TAFA1: variants seen among roughly 807,000 people sequenced by gnomAD.
TAFA1 encodes TAFA chemokine like family member 1.
In TAFA1, 4 loss-of-function variants were observed where a neutral mutation model predicts 18.5. The ratio of observed to expected loss-of-function variants is 0.22; its 90% CI spans 0.11 to 0.49. The LOEUF is 0.49. Ranked by LOEUF, TAFA1 falls within the 20% of genes least tolerant of loss-of-function variation. The probability of loss-of-function intolerance (pLI) is 0.98; values close to 1 mark genes in which losing one functional copy is unlikely to be tolerated. For synonymous variants in TAFA1, 56 were observed against 55.2 expected, an observed-to-expected ratio of 1.01 and a Z score of -0.06; for missense variants, 147 against 169.0, an observed-to-expected ratio of 0.87 and a Z score of 0.72.
intron 2 of TAFA1, among the ~76,000 whole-genome samples, chr3:68,288,143 C>T (rs1575748930): frequency 6.6e-6 from 1 of 152,048 alleles, no homozygotes; most frequent in Non-Finnish European, 1.5e-5. Flanking sequence ...TGAGAGTTCA[C>T]GGCTGTTTCT....
At chr3:68,047,134 C>T (rs906773532) in intron 2 of TAFA1, among the ~76,000 whole-genome samples, 6 of 152,128 alleles carry the variant, frequency 3.9e-5, no homozygotes, top group African/African-American at 1.4e-4. Flanking sequence ...ACAGATGCTA[C>T]ACATATTATC....
chr3:68,265,899 G>T (rs1248008316), intron 2 of TAFA1, among the ~76,000 whole-genome samples: 2 of 152,082 alleles, frequency 1.3e-5, no homozygotes, highest in Non-Finnish European at 2.9e-5. Context: ...ATCCTAAAAG[G>T]TTTATGCCTG....
intron 2 of TAFA1, among the ~76,000 whole-genome samples, chr3:68,125,956 T>A (rs1349654084): frequency 2.6e-5 from 4 of 152,184 alleles, no homozygotes; most frequent in Non-Finnish European, 5.9e-5. Flanking sequence ...GTGTTCCACA[T>A]GCTTCTCAGT....
At chr3:68,196,644 T>A (rs183697561) in intron 2 of TAFA1, among the ~76,000 whole-genome samples, 1 of 151,780 alleles carries the variant, frequency 6.6e-6, no homozygotes, top group Non-Finnish European at 1.5e-5. Flanking sequence ...TTTTCTGTGT[T>A]ATATTTCATT....
At chr3:68,395,897 A>C (rs909022551) in intron 2 of TAFA1, among the ~76,000 whole-genome samples, 1 of 152,100 alleles carries the variant, frequency 6.6e-6, no homozygotes, top group African/African-American at 2.4e-5. Context: ...TGGCACATGT[A>C]TACCTATGTA....
intron 2 of TAFA1, among the ~76,000 whole-genome samples, chr3:68,238,332 CCTT>C (rs1379282114): frequency 2.2e-4 from 33 of 152,138 alleles, no homozygotes; most frequent in African/African-American, 7.7e-4. Flanking sequence ...ATTTCTCAGA[CCTT>C]CTTAATTTTA....
At chr3:68,284,353 T>G (rs1160309813) in intron 2 of TAFA1, among the ~76,000 whole-genome samples, 1 of 152,174 alleles carries the variant, frequency 6.6e-6, no homozygotes, top group African/African-American at 2.4e-5. Context: ...TAAGTGTTGA[T>G]GAGAATGTGG....
intron 2 of TAFA1, among the ~76,000 whole-genome samples, chr3:68,382,439 T>C (rs1164529689): frequency 1.3e-5 from 2 of 152,056 alleles, no homozygotes; most frequent in Non-Finnish European, 2.9e-5. Flanking sequence ...CTGCTTATGG[T>C]TAGCCAGTTA....
At chr3:68,113,546 C>T (rs970094501) in intron 2 of TAFA1, among the ~76,000 whole-genome samples, 4 of 151,992 alleles carry the variant, frequency 2.6e-5, no homozygotes, top group Admixed American at 6.6e-5. Flanking sequence ...ATGTTAATAT[C>T]GACACATTTA....
chr3:68,021,147 C>T (rs1356897086), intron 2 of TAFA1, among the ~76,000 whole-genome samples: 2 of 130,922 alleles, frequency 1.5e-5, no homozygotes, highest in Non-Finnish European at 3.1e-5. Context: ...GATCGTGCCA[C>T]TGCACTCCAG....
intron 2 of TAFA1, among the ~76,000 whole-genome samples, chr3:68,082,605 T>C (rs2064919088): frequency 6.6e-6 from 1 of 152,016 alleles, no homozygotes; most frequent in Non-Finnish European, 1.5e-5. Flanking sequence ...ACTGAAAGAG[T>C]TTAAGTTAGT....
chr3:68,466,145 G>A (rs945277223), intron 3 of TAFA1, among the ~76,000 whole-genome samples: 3 of 151,560 alleles, frequency 2.0e-5, no homozygotes, highest in African/African-American at 7.3e-5. Context: ...GGTTGGGCTG[G>A]GTATGAGTAG....
intron 3 of TAFA1, among the ~76,000 whole-genome samples, chr3:68,527,725 T>C (rs575041654): frequency 7.2e-4 from 109 of 152,264 alleles, no homozygotes; most frequent in African/African-American, 2.5e-3. Context: ...GTGGGAACTG[T>C]GTGTCTTGAT....
chr3:68,351,484 A>G (rs571127987), intron 2 of TAFA1, among the ~76,000 whole-genome samples: 1 of 152,208 alleles, frequency 6.6e-6, no homozygotes, highest in Admixed American at 6.6e-5. Context: ...CACCTGTTAC[A>G]AAAGATAGAT....
At chr3:68,096,077 C>T (rs2065083870) in intron 2 of TAFA1, among the ~76,000 whole-genome samples, 1 of 152,082 alleles carries the variant, frequency 6.6e-6, no homozygotes, top group Admixed American at 6.6e-5. Flanking sequence ...CTCCCACTCA[C>T]ACACACTTTC....
intron 2 of TAFA1, among the ~76,000 whole-genome samples, chr3:68,359,958 T>A (rs970007868): frequency 2.0e-5 from 3 of 152,034 alleles, no homozygotes; most frequent in African/African-American, 7.2e-5. Context: ...GTGTGCTCCC[T>A]TATAAGATAT....
intron 3 of TAFA1, among the ~76,000 whole-genome samples, chr3:68,454,789 A>G (rs2071627897): frequency 6.6e-6 from 1 of 152,226 alleles, no homozygotes; most frequent in Non-Finnish European, 1.5e-5. Flanking sequence ...CCCTAAGGCC[A>G]ACCCCCAGCT....
chr3:68,265,498 A>T (rs1462874538), intron 2 of TAFA1, among the ~76,000 whole-genome samples: 1 of 152,192 alleles, frequency 6.6e-6, no homozygotes, highest in Non-Finnish European at 1.5e-5. Context: ...ATCACACTTG[A>T]CATTCCTGGT....
rs550704501 is a variant in TAFA1 at position 68,512,522 on chromosome 3, G to C, written c.260-26234G>C. 1.9e-4 allele frequency among the ~76,000 whole-genome samples: 29 copies of C among 152,212 alleles called. No individual in the cohort carries two copies. In the East Asian group the frequency reaches 4.6e-3, roughly 24 times the overall value. On this transcript the variant is annotated intron_variant, in intron 3 of 4. Coordinates refer to ENST00000478136, the MANE Select transcript of TAFA1 (RefSeq NM_213609.4). ...GCCTGTGGAAGGTCCAGGGCCAAGAGAATTGGCTAATAATTCTTACTTCAT... is the reference window on the plus strand; with the variant it reads ...GCCTGTGGAAGGTCCAGGGCCAAGACAATTGGCTAATAATTCTTACTTCAT...
Sources: allele counts gnomAD v4.1 joint callset (sites outside exome capture counted in the v4.1 genomes callset), GRCh38; gene constraint gnomAD v4.1.1; transcripts MANE v1.5; gene names NCBI Gene and HGNC (gene_info 2026-07-23, HGNC 2026-07-21).